Variants in TAF6 observed in about 807,000 individuals in gnomAD.
TAF6 encodes transcription initiation factor TFIID subunit 6.
Under a neutral mutation model 73.5 loss-of-function variants are expected in TAF6, and 50 were observed. That is an observed-to-expected ratio of 0.68 (90% CI 0.54 to 0.86). TAF6 has a LOEUF of 0.86. TAF6 is among the 40% of genes least tolerant of loss of function. TAF6 has a pLI of 0.00. For missense variants in TAF6, 768 were observed against 899.5 expected, an observed-to-expected ratio of 0.85 and a Z score of 1.87; for synonymous variants, 424 against 376.7, an observed-to-expected ratio of 1.13 and a Z score of -1.45.
Position 100,111,210 on chromosome 7 carries a change from C to A in TAF6, c.1012G>T (p.Ala338Ser). Residue 338 changes from alanine to serine, a missense_variant, in exon 10 of 15, where the codon GCC (alanine) becomes TCC (serine). Physicochemically the swap from Ala to Ser is moderately conservative, Grantham distance 99 (BLOSUM62 1). This residue lies in a region of TAF6 where 69 missense variants were observed against 105.4 expected (regional missense o/e 0.65). Transcript: ENST00000453269. ...GTGCTAAAATGCTTGCAGATCTGGGCCACCAGGCGGGCAGCAAAGTCTCGG... is the reference window on the plus strand; with the variant it reads ...GTGCTAAAATGCTTGCAGATCTGGGACACCAGGCGGGCAGCAAAGTCTCGG... The part of the protein sequence containing the change: ...ALRDFAARLV[A>S]QICKHFSTTT... 1 of 1,614,168 alleles carries A rather than the reference C, an allele frequency of 6.2e-7. No homozygotes were observed. Among genetic ancestry groups the A allele is most frequent in the Non-Finnish European group, 8.5e-7 (1 of 1,180,038 alleles).
rs769194104 is a variant in TAF6, at chr7:100,114,162, C to G, written c.48G>C (p.Ser16=). 52 of 1,614,124 alleles carry G rather than the reference C, an allele frequency of 3.2e-5. No homozygotes were observed. The South Asian group carries it at 5.7e-4, about 18-fold the overall frequency. The change falls in exon 2 of 15, where the codon TCG becomes TCC. Residue 16 remains serine (S), a synonymous_variant. Coordinates refer to ENST00000453269, the MANE Select transcript of TAF6 (RefSeq NM_139315.3). The stretch of plus-strand genomic sequence containing the variant: ...ATTCAGCCACCACCTTCATGGACTC[C>G]GAGGGCAGCACAGTGTTGCTAAGCT... The part of the protein sequence containing the change: ...KLKLSNTVLP[S]ESMKVVAESM...
upstream of TAF6, chr7:100,122,694 C>A: frequency 6.5e-7 from 1 of 1,541,608 alleles, no homozygotes; most frequent in Non-Finnish European, 8.8e-7. Context: ...ACCCTTGAAT[C>A]TCCAGTAGTT....
intron 1 of TAF6, 98 bp from the exon 2 acceptor site, chr7:100,114,366 G>C: frequency 1.7e-6 from 2 of 1,198,654 alleles, no homozygotes; most frequent in East Asian, 2.5e-5. Flanking sequence ...GGAACTCCGA[G>C]TGTCTTATGT....
rs1562928957 is a variant in TAF6, at chr7:100,113,374, T to C, written c.429A>G (p.Pro143=). ...AHWLSIEGCQ[P]AIPENPPPAP... is the part of the protein sequence containing the mutation. ...CTGGGGGCGGGTTCTCGGGGATAGCTGGCTGGCAGCCCTCGATGCTCAGCC... is the reference window on the plus strand; with the variant it reads ...CTGGGGGCGGGTTCTCGGGGATAGCCGGCTGGCAGCCCTCGATGCTCAGCC... The change falls in exon 5 of 15, where the codon CCA becomes CCG. Residue 143 remains proline (P), a synonymous_variant. Transcript: ENST00000453269. 6.3e-7 allele frequency: 1 copy of C among 1,596,154 alleles called. No individual in the cohort carries two copies. Among genetic ancestry groups the C allele is most frequent in the East Asian group, 2.2e-5 (1 of 44,594 alleles).
chr7:100,121,867 G>C (rs375581987), upstream of TAF6, among the ~76,000 whole-genome samples: 1 of 145,766 alleles, frequency 6.9e-6, no homozygotes, highest in Admixed American at 6.8e-5. Flanking sequence ...TGGCTAACAC[G>C]GTGAAACCCT....
upstream of TAF6, chr7:100,119,665 C>A: frequency 6.2e-7 from 1 of 1,611,492 alleles, no homozygotes; most frequent in Non-Finnish European, 8.5e-7. Flanking sequence ...TTGCCGCTAG[C>A]CGCCTGGGAA....
At chr7:100,126,376 C>T in the TAF6 span, among the ~76,000 whole-genome samples, 4 of 151,956 alleles carry the variant, frequency 2.6e-5, no homozygotes, top group African/African-American at 9.7e-5. Context: ...GGGGCGTGCA[C>T]GCCTGTATTC....
chr7:100,119,661 C>G, upstream of TAF6: 1 of 1,611,462 alleles, frequency 6.2e-7, no homozygotes, highest in Non-Finnish European at 8.5e-7. Context: ...AAGGTTGCCG[C>G]TAGCCGCCTG....
chr7:100,115,954 A>G (rs1797636249), intron 1 of TAF6, among the ~76,000 whole-genome samples: 1 of 152,060 alleles, frequency 6.6e-6, no homozygotes, highest in African/African-American at 2.4e-5. Flanking sequence ...CTGGCGACAG[A>G]GCGAGACTCT....
chr7:100,125,116 A>C, the TAF6 span: 1 of 519,122 alleles, frequency 1.9e-6, no homozygotes, highest in Non-Finnish European at 3.4e-6. Flanking sequence ...AACTCTATCC[A>C]GCCCCTTAAT....
intron 10 of TAF6, among the ~76,000 whole-genome samples, chr7:100,110,727 T>C (rs1413419216): frequency 2.0e-5 from 3 of 152,102 alleles, no homozygotes; most frequent in Non-Finnish European, 4.4e-5. Flanking sequence ...AGGAGAATCA[T>C]TGGAACCCAG....
chr7:100,108,290 G>A (rs571918539), intron 13 of TAF6, 77 bp downstream of exon 13: 4 of 1,504,082 alleles, frequency 2.7e-6, no homozygotes, highest in African/African-American at 1.4e-5. Flanking sequence ...GGCACATGTG[G>A]CTGTGTGCAA....
At chr7:100,113,453 G>C in intron 4 of TAF6, 48 bp from the exon 5 acceptor site, 1 of 1,540,676 alleles carries the variant, frequency 6.5e-7, no homozygotes, top group Non-Finnish European at 8.8e-7. Flanking sequence ...ATGGACATTG[G>C]GGAGTTGCCC....
At chr7:100,123,365 C>CA (rs1006358320), upstream of TAF6, among the ~76,000 whole-genome samples, 5 of 147,882 alleles carry the variant, frequency 3.4e-5, no homozygotes, top group Admixed American at 6.7e-5. Flanking sequence ...AAAACAAAAA[C>CA]AAAAAAAAAG....
intron 1 of TAF6, 39 bp from the exon 2 acceptor site, chr7:100,114,307 T>C: frequency 6.3e-7 from 1 of 1,593,914 alleles, no homozygotes; most frequent in Non-Finnish European, 8.5e-7. Context: ...AAAAGAAACG[T>C]GAGACACAGG....
chr7:100,122,544 C>T (rs142050123), upstream of TAF6: 164 of 1,613,246 alleles, frequency 1.0e-4, 1 homozygote, highest in East Asian at 3.5e-3. Context: ...ATAGTGTTCA[C>T]GCTGAGCGCA....
chr7:100,109,890 C>T (rs1797005117), intron 12 of TAF6, 58 bp downstream of exon 12: 1 of 1,597,740 alleles, frequency 6.3e-7, no homozygotes, highest in Non-Finnish European at 8.5e-7. Context: ...ATGCCATATG[C>T]TTGCTAAACA....
upstream of TAF6, chr7:100,121,112 A>ATTTTTTT (rs1798040006): frequency 4.6e-4 from 14 of 30,710 alleles, no homozygotes; most frequent in East Asian, 1.1e-3. Flanking sequence ...ATATATATAT[A>ATTTTTTT]TATATTTTTT....
intron 12 of TAF6, among the ~76,000 whole-genome samples, 163 bp downstream of exon 12, chr7:100,109,785 C>G (rs894042590): frequency 2.0e-5 from 3 of 152,080 alleles, no homozygotes; most frequent in Admixed American, 6.6e-5. Context: ...ATTTCTTACT[C>G]AGTCTAATCT....
Sources: gnomAD v4.1 joint callset for allele counts (sites outside exome capture counted in the v4.1 genomes callset) on GRCh38, gnomAD v4.1.1 for gene constraint, gnomAD v4.1.1 regional missense constraint, MANE v1.5 for transcripts, NCBI Gene and HGNC (gene_info 2026-07-23, HGNC 2026-07-21) for gene names.